Variants in DMD observed in about 807,000 individuals in gnomAD.
The protein encoded by DMD is dystrophin, also known as mutant dystrophin.
Under a neutral mutation model 330.1 loss-of-function variants are expected in DMD, and 63 were observed. The observed-to-expected ratio is 0.19, with a 90% CI of 0.16 to 0.24. The LOEUF is 0.24. DMD is among the 10% of genes least tolerant of loss of function. The pLI is 1.00. For synonymous variants in DMD, 1,223 were observed against 959.8 expected, an observed-to-expected ratio of 1.27 and a Z score of -5.07; for missense variants, 3,344 against 2,684.1, an observed-to-expected ratio of 1.25 and a Z score of -5.43.
intron 55 of DMD, among the ~76,000 whole-genome samples, chrX:31,523,225 T>C (rs1292568862): frequency 9.0e-6 from 1 of 111,424 alleles, no homozygotes; most frequent in South Asian, 3.9e-4. Context: ...CTTAATCTTC[T>C]GGAGGTCATG....
chrX:32,782,854 G>A (rs181670371), intron 7 of DMD, among the ~76,000 whole-genome samples: 71 of 106,058 alleles, frequency 6.7e-4, no homozygotes, highest in Middle Eastern at 4.9e-3. Flanking sequence ...AACATCTCAC[G>A]TACCATATAT....
At chrX:32,903,355 TG>T (rs1260779633) in intron 2 of DMD, among the ~76,000 whole-genome samples, 4 of 109,058 alleles carry the variant, frequency 3.7e-5, no homozygotes, top group African/African-American at 1.3e-4. Context: ...GGGGAAAAAG[TG>T]GGAGAAGAAG....
At chrX:33,283,019 G>A (rs994613688) in intron 1 of DMD, among the ~76,000 whole-genome samples, 4 of 112,084 alleles carry the variant, frequency 3.6e-5, no homozygotes, top group African/African-American at 9.7e-5. Context: ...ATGAGGAGCA[G>A]GGAAAAATCA....
At chrX:32,299,605 G>A (rs1329782580) in intron 42 of DMD, among the ~76,000 whole-genome samples, 2 of 109,721 alleles carry the variant, frequency 1.8e-5, no homozygotes, top group Non-Finnish European at 3.8e-5. Flanking sequence ...GTGCTTAAGA[G>A]CAGAAACTCT....
At chrX:32,377,668 G>A (rs1393797781) in intron 34 of DMD, among the ~76,000 whole-genome samples, 1 of 111,447 alleles carries the variant, frequency 9.0e-6, no homozygotes. Flanking sequence ...TCTGTATTCA[G>A]AGAAAATAAA....
rs1440208826 is a variant in DMD at position 31,393,317 on chromosome X, A to T, written c.9085-44683T>A. Among the ~76,000 whole-genome samples, 6 of 110,153 alleles carry T rather than the reference A, an allele frequency of 5.4e-5. No individual in the cohort carries two copies. In the Admixed American group the frequency reaches 5.8e-4, roughly 11 times the overall value. ...TATGGTGAAACCCGGTCTCCACTAA[A>T]AATACAAAAATTAGCCGGGCATGGT... On this transcript the variant is annotated intron_variant, in intron 60 of 78. Coordinates refer to ENST00000357033, the MANE Select transcript of DMD (RefSeq NM_004006.3).
chrX:32,675,114 T>C (rs908578008), intron 9 of DMD, among the ~76,000 whole-genome samples: 3 of 111,520 alleles, frequency 2.7e-5, no homozygotes, highest in African/African-American at 9.7e-5. Context: ...TCAAAAAGCA[T>C]TCTCATTAAT....
At chrX:31,399,651 G>A (rs1027080053) in intron 60 of DMD, among the ~76,000 whole-genome samples, 3 of 111,428 alleles carry the variant, frequency 2.7e-5, no homozygotes, top group African/African-American at 6.5e-5. Context: ...GACCTGGAGG[G>A]AGAGAAAGCT....
intron 1 of DMD, among the ~76,000 whole-genome samples, chrX:33,262,425 T>G (rs73459964): frequency 0.11 from 12,268 of 110,787 alleles, 725 homozygotes; most frequent in African/African-American, 0.23. Flanking sequence ...GCTGATAATT[T>G]TATAGAACTG....
At chrX:31,723,920 C>G (rs944511971) in intron 52 of DMD, among the ~76,000 whole-genome samples, 5 of 111,809 alleles carry the variant, frequency 4.5e-5, no homozygotes, top group Non-Finnish European at 9.4e-5. Flanking sequence ...ACTGCCTTGC[C>G]TAAATATACT....
chrX:31,501,320 G>A (rs1333282874), intron 56 of DMD, among the ~76,000 whole-genome samples: 2 of 112,011 alleles, frequency 1.8e-5, no homozygotes, highest in African/African-American at 3.2e-5. Flanking sequence ...TCTGCAAAAC[G>A]GAATTTGTCT....
At chrX:32,688,241 C>A (rs2063025095) in intron 9 of DMD, among the ~76,000 whole-genome samples, 1 of 111,079 alleles carries the variant, frequency 9.0e-6, no homozygotes, top group African/African-American at 3.3e-5. Context: ...CCTTGGTTCG[C>A]AAAAATTGAC....
At chrX:33,169,082 G>A (rs1341500831) in intron 1 of DMD, among the ~76,000 whole-genome samples, 1 of 72,731 alleles carries the variant, frequency 1.4e-5, no homozygotes, top group Non-Finnish European at 2.4e-5. Context: ...CAACAGTATT[G>A]GGGCCTCCCA....
chrX:31,648,878 T>C (rs931975561), intron 54 of DMD, among the ~76,000 whole-genome samples: 2 of 109,833 alleles, frequency 1.8e-5, no homozygotes, highest in Non-Finnish European at 3.8e-5. Context: ...ATTTCTAGAA[T>C]TGTGCAGAAA....
chrX:31,734,513 A>G (rs1018566436), intron 51 of DMD, among the ~76,000 whole-genome samples: 2 of 111,418 alleles, frequency 1.8e-5, no homozygotes, highest in Non-Finnish European at 3.8e-5. Context: ...GTCTTTTTTA[A>G]GTTGAAATAG....
intron 45 of DMD, among the ~76,000 whole-genome samples, chrX:31,952,276 T>A (rs997915217): frequency 1.8e-5 from 2 of 111,806 alleles, no homozygotes; most frequent in African/African-American, 6.5e-5. Flanking sequence ...TTTCTTCAAA[T>A]AATTTTTCTG....
chrX:32,634,503 G>A (rs2058955340), intron 11 of DMD, among the ~76,000 whole-genome samples: 1 of 112,049 alleles, frequency 8.9e-6, no homozygotes, highest in African/African-American at 3.2e-5. Flanking sequence ...GTACTGCCTG[G>A]CTACAGCTGC....
chrX:31,239,010 G>A (rs2047994002), intron 63 of DMD, among the ~76,000 whole-genome samples: 3 of 112,217 alleles, frequency 2.7e-5, no homozygotes, highest in Non-Finnish European at 5.6e-5. Flanking sequence ...TCCTACAAAA[G>A]TTTTTTGCTC....
At chrX:31,154,300 A>G (rs1246501061) in intron 74 of DMD, among the ~76,000 whole-genome samples, 1 of 106,730 alleles carries the variant, frequency 9.4e-6, no homozygotes, top group African/African-American at 3.5e-5. Flanking sequence ...TTATTTTTTT[A>G]TTTTTTATTT....
Sources: allele counts gnomAD v4.1 joint callset (sites outside exome capture counted in the v4.1 genomes callset), GRCh38; gene constraint gnomAD v4.1.1; transcripts MANE v1.5; gene names NCBI Gene and HGNC (gene_info 2026-07-23, HGNC 2026-07-21).